The following RRAS2 variants were observed in gnomAD, a reference collection of about 807,000 sequenced individuals.
RRAS2 encodes the protein ras-related protein R-Ras2.
A neutral mutation model predicts 27.6 loss-of-function variants in RRAS2; 7 were observed. The ratio of observed to expected loss-of-function variants is 0.25; its 90% CI spans 0.14 to 0.48. RRAS2 has a LOEUF of 0.48. Ranked by LOEUF, RRAS2 falls within the 20% of genes least tolerant of loss-of-function variation. The probability of loss-of-function intolerance (pLI) is 0.99; values close to 1 mark genes in which losing one functional copy is unlikely to be tolerated. For synonymous variants in RRAS2, 86 were observed against 90.9 expected, an observed-to-expected ratio of 0.95 and a Z score of 0.31; for missense variants, 178 against 256.2, an observed-to-expected ratio of 0.69 and a Z score of 2.08.
chr11:14,323,794 T>C (rs1848282573), intron 1 of RRAS2, among the ~76,000 whole-genome samples: 1 of 152,070 alleles, frequency 6.6e-6, no homozygotes, highest in Non-Finnish European at 1.5e-5. Flanking sequence ...ATGCAAAATA[T>C]TAACAAACAG....
At chr11:14,320,221 C>A (rs1283633707) in intron 1 of RRAS2, among the ~76,000 whole-genome samples, 2 of 152,034 alleles carry the variant, frequency 1.3e-5, no homozygotes, top group Non-Finnish European at 2.9e-5. Flanking sequence ...ATTCATTGAA[C>A]AGAAAGCAAT....
At chr11:14,309,542 G>A (rs1276593567) in intron 1 of RRAS2, among the ~76,000 whole-genome samples, 1 of 152,202 alleles carries the variant, frequency 6.6e-6, no homozygotes, top group Non-Finnish European at 1.5e-5. Context: ...GGAGTTGGAG[G>A]GGAGGATATG....
chr11:14,315,491 G>A (rs781965064), intron 1 of RRAS2, among the ~76,000 whole-genome samples: 41 of 152,316 alleles, frequency 2.7e-4, no homozygotes, highest in Non-Finnish European at 4.4e-4. Context: ...AAGAAGGCAT[G>A]ACAACTAAAT....
At chr11:14,328,300 A>T (rs1554951377) in intron 1 of RRAS2, among the ~76,000 whole-genome samples, 1 of 133,366 alleles carries the variant, frequency 7.5e-6, no homozygotes, top group Admixed American at 9.0e-5. Context: ...CAGGAGGTGG[A>T]GGTTGCAGTG....
chr11:14,306,560 G>A (rs1847834267), intron 1 of RRAS2, among the ~76,000 whole-genome samples: 1 of 152,120 alleles, frequency 6.6e-6, no homozygotes, highest in Non-Finnish European at 1.5e-5. Context: ...GTGGGGCGAA[G>A]TCTTATTACC....
chr11:14,296,015 A>G, intron 1 of RRAS2, 160 bp from the exon 2 acceptor site: 2 of 446,370 alleles, frequency 4.5e-6, no homozygotes, highest in Non-Finnish European at 7.8e-6. Flanking sequence ...CTCTTAAAAA[A>G]AAATTAAAAA....
At chr11:14,310,276 C>T (rs1246685104) in intron 1 of RRAS2, among the ~76,000 whole-genome samples, 2 of 152,088 alleles carry the variant, frequency 1.3e-5, no homozygotes, top group Admixed American at 1.3e-4. Context: ...TTATTAGACA[C>T]CTACAGAAAT....
At chr11:14,288,570 A>G (rs889098511) in intron 4 of RRAS2, among the ~76,000 whole-genome samples, 21 of 152,250 alleles carry the variant, frequency 1.4e-4, no homozygotes. Context: ...AGATAATTTC[A>G]TAAAGATACC....
upstream of RRAS2, among the ~76,000 whole-genome samples, chr11:14,363,370 C>T (rs1490881631): frequency 1.3e-5 from 2 of 152,204 alleles, no homozygotes; most frequent in East Asian, 3.8e-4. Flanking sequence ...ACATAAAAGG[C>T]AGCCTGTAGT....
At chr11:14,309,067 G>C (rs1847897241) in intron 1 of RRAS2, among the ~76,000 whole-genome samples, 1 of 152,022 alleles carries the variant, frequency 6.6e-6, no homozygotes, top group Non-Finnish European at 1.5e-5. Context: ...AGAAATGGAA[G>C]GGTGCCCCAT....
chr11:14,313,995 A>T (rs1848037086), intron 1 of RRAS2, among the ~76,000 whole-genome samples: 1 of 152,258 alleles, frequency 6.6e-6, no homozygotes, highest in Non-Finnish European at 1.5e-5. Context: ...TTATTATGTT[A>T]TAAAACAACA....
intron 3 of RRAS2, 69 bp from the exon 4 acceptor site, chr11:14,294,648 C>A: frequency 6.9e-7 from 1 of 1,443,624 alleles, no homozygotes; most frequent in Non-Finnish European, 9.6e-7. Context: ...AAGTCTCATG[C>A]CCCAATTAGT....
intron 1 of RRAS2, among the ~76,000 whole-genome samples, chr11:14,297,587 C>T (rs1847584574): frequency 6.6e-6 from 1 of 151,894 alleles, no homozygotes; most frequent in Non-Finnish European, 1.5e-5. Flanking sequence ...CAAGGTGAGA[C>T]CGCATCTCCA....
chr11:14,317,789 A>G (rs1848143684), intron 1 of RRAS2, among the ~76,000 whole-genome samples: 1 of 152,156 alleles, frequency 6.6e-6, no homozygotes, highest in Admixed American at 6.5e-5. Flanking sequence ...AGGGGAGCTG[A>G]GCACAGTGGC....
At position 14,294,686 on chromosome 11, in the gene RRAS2, CA is replaced by C. The variant is rs1847499723; in HGVS notation, c.299+73del. On this transcript the variant is annotated intron_variant, in intron 3 of 5. Transcript: ENST00000256196. ...TTTATTTTTCCTTTTTCTATAAAAA[CA>C]AAAAGTCCAAACTCAATAAAGTCTA... 3 of 1,521,044 alleles carry C rather than the reference CA, an allele frequency of 2.0e-6. No individual in the cohort carries two copies. The East Asian group carries it at 6.8e-5, about 34-fold the overall frequency. 94.2% of individuals were successfully genotyped at this position (1,521,044 alleles called of 1,614,324 possible). A position where few individuals can be genotyped will look rare whatever the true frequency, so the allele number is the denominator to read the frequency against.
chr11:14,296,124 G>C (rs1474205139), intron 1 of RRAS2, among the ~76,000 whole-genome samples: 1 of 151,986 alleles, frequency 6.6e-6, no homozygotes, highest in African/African-American at 2.4e-5. Flanking sequence ...GGGCTGCAAT[G>C]AACCATGATT....
intron 4 of RRAS2, among the ~76,000 whole-genome samples, chr11:14,287,942 A>T (rs1422232300): frequency 6.6e-6 from 1 of 152,078 alleles, no homozygotes; most frequent in Non-Finnish European, 1.5e-5. Context: ...ATGATAAAAC[A>T]ATCCTGCTGC....
At position 14,359,182 on chromosome 11, in the gene RRAS2, C is replaced by T; in HGVS notation, c.-312G>A. Reference sequence around the variant, plus strand: ...CTCCAGCGCCGCCACAAATGGCCGTCTGGGGGCCGGGCTGCCAGGCTGAGG... The same window carrying T: ...CTCCAGCGCCGCCACAAATGGCCGTTTGGGGGCCGGGCTGCCAGGCTGAGG... On this transcript the variant is annotated 5_prime_UTR_variant, in exon 1 of 6. Transcript: ENST00000256196. 6 of 980,414 alleles carry T rather than the reference C, an allele frequency of 6.1e-6. No homozygotes were observed. The highest frequency in any genetic ancestry group is 7.2e-6 in the Non-Finnish European group (6 of 830,562). 60.7% of individuals were successfully genotyped at this position (980,414 alleles called of 1,614,324 possible). A position where few individuals can be genotyped will look rare whatever the true frequency, so the allele number is the denominator to read the frequency against.
At chr11:14,329,506 T>G (rs1591476790) in intron 1 of RRAS2, among the ~76,000 whole-genome samples, 1 of 152,218 alleles carries the variant, frequency 6.6e-6, no homozygotes, top group African/African-American at 2.4e-5. Context: ...CCTTTTCTTA[T>G]TCTAAACAAA....
Sources: allele counts gnomAD v4.1 joint callset (sites outside exome capture counted in the v4.1 genomes callset), GRCh38; gene constraint gnomAD v4.1.1; transcripts MANE v1.5; gene names NCBI Gene and HGNC (gene_info 2026-07-23, HGNC 2026-07-21).